Variants in ITSN2 observed in about 807,000 individuals in gnomAD.
ITSN2 encodes intersectin 2, also known as intersectin-2.
In ITSN2, 156 loss-of-function variants were observed where a neutral mutation model predicts 243.7. The ratio of observed to expected loss-of-function variants is 0.64; its 90% CI spans 0.56 to 0.73. The LOEUF (loss-of-function observed/expected upper bound fraction) is 0.73. Ranked by LOEUF, ITSN2 falls within the 30% of genes least tolerant of loss-of-function variation. ITSN2 has a pLI of 0.00. For synonymous variants in ITSN2, 703 were observed against 699.9 expected, an observed-to-expected ratio of 1.00 and a Z score of -0.07; for missense variants, 1,801 against 1,996.1, an observed-to-expected ratio of 0.90 and a Z score of 1.86.
intron 2 of ITSN2, among the ~76,000 whole-genome samples, chr2:24,327,765 T>C (rs1460928184): frequency 6.6e-6 from 1 of 152,218 alleles, no homozygotes; most frequent in Non-Finnish European, 1.5e-5. Flanking sequence ...ATAGTCACCT[T>C]ATAGCACTCT....
intron 1 of ITSN2, among the ~76,000 whole-genome samples, chr2:24,329,027 T>G (rs747702120): frequency 4.6e-5 from 7 of 152,196 alleles, no homozygotes; most frequent in Non-Finnish European, 8.8e-5. Context: ...ATTTAACCTT[T>G]TTTGAGACTC....
chr2:24,289,063 CTT>C (rs1195022732), intron 15 of ITSN2, among the ~76,000 whole-genome samples: 1 of 152,146 alleles, frequency 6.6e-6, no homozygotes, highest in African/African-American at 2.4e-5. Context: ...ATGCTTCCAA[CTT>C]TGTTTTTCTT....
intron 29 of ITSN2, among the ~76,000 whole-genome samples, chr2:24,222,109 A>G (rs1232297775): frequency 1.3e-5 from 2 of 151,986 alleles, no homozygotes; most frequent in African/African-American, 2.4e-5. Context: ...AAAATTAGCC[A>G]GGCGTGGTGG....
intron 30 of ITSN2, chr2:24,220,194 C>T (rs529111207): frequency 4.5e-5 from 14 of 310,300 alleles, no homozygotes; most frequent in African/African-American, 6.8e-5. Context: ...GCCAGGTATA[C>T]GCTGCACCTG....
chr2:24,355,627 C>A (rs903952873), intron 1 of ITSN2, among the ~76,000 whole-genome samples: 5 of 152,186 alleles, frequency 3.3e-5, no homozygotes, highest in African/African-American at 1.2e-4. Context: ...AACCATAAAA[C>A]CCTAGAAGAA....
chr2:24,337,948 T>C (rs1323833887), intron 1 of ITSN2, among the ~76,000 whole-genome samples: 1 of 152,252 alleles, frequency 6.6e-6, no homozygotes, highest in East Asian at 1.9e-4. Flanking sequence ...CAGTTCTCTA[T>C]GAATGTAAAC....
chr2:24,237,639 C>T (rs777213530), intron 29 of ITSN2, among the ~76,000 whole-genome samples: 3 of 152,130 alleles, frequency 2.0e-5, no homozygotes, highest in Non-Finnish European at 4.4e-5. Flanking sequence ...CACCATTATC[C>T]CATCCTGTCC....
intron 16 of ITSN2, among the ~76,000 whole-genome samples, chr2:24,285,784 A>G (rs1017652848): frequency 6.6e-5 from 10 of 152,272 alleles, no homozygotes; most frequent in Admixed American, 6.5e-4. Context: ...ATTATTTAAC[A>G]AAGGTTAATT....
chr2:24,353,132 T>C (rs1384392739), intron 1 of ITSN2, among the ~76,000 whole-genome samples: 2 of 152,036 alleles, frequency 1.3e-5, no homozygotes, highest in Non-Finnish European at 2.9e-5. Context: ...GAAAACAAAC[T>C]TAAAAGGTAA....
chr2:24,260,322 A>C (rs1480123982), intron 22 of ITSN2, among the ~76,000 whole-genome samples: 7 of 152,108 alleles, frequency 4.6e-5, no homozygotes, highest in Non-Finnish European at 8.8e-5. Flanking sequence ...TGAAGGTGAA[A>C]TCTGGAGGAC....
intron 1 of ITSN2, among the ~76,000 whole-genome samples, chr2:24,337,541 G>A (rs1229833819): frequency 1.3e-5 from 2 of 148,732 alleles, no homozygotes; most frequent in Admixed American, 6.7e-5. Flanking sequence ...TAGTAAAGAC[G>A]GGGTTTCACC....
At chr2:24,335,886 C>T (rs1686310142) in intron 1 of ITSN2, among the ~76,000 whole-genome samples, 1 of 151,876 alleles carries the variant, frequency 6.6e-6, no homozygotes, top group African/African-American at 2.4e-5. Context: ...GATCTGCCCG[C>T]CTCCCAAAGT....
At chr2:24,210,199 C>T in intron 34 of ITSN2, 166 bp from the exon 35 acceptor site, 1 of 595,426 alleles carries the variant, frequency 1.7e-6, no homozygotes, top group South Asian at 2.1e-5. Flanking sequence ...CATTACTCTT[C>T]AGAGTCCAAA....
rs780927701 is a variant in ITSN2 at position 24,298,763 on chromosome 2, G to T, written c.1396C>A (p.Arg466=). ...RQRRLEWERI[R]RQELLNQKNR... ...TTTTGATTGAGAAGCTCCTGTCGCCGAATTCTCTCCCATTCTAAGCGACGT... is the reference window on the plus strand; with the variant it reads ...TTTTGATTGAGAAGCTCCTGTCGCCTAATTCTCTCCCATTCTAAGCGACGT... Residue 466 remains arginine, a synonymous_variant, in exon 13 of 40, where the codon CGG becomes AGG. Transcript: ENST00000355123. 1 of 1,611,098 alleles carries T rather than the reference G, an allele frequency of 6.2e-7. No homozygotes were observed. The highest frequency in any genetic ancestry group is 8.5e-7 in the Non-Finnish European group (1 of 1,178,572).
At chr2:24,339,526 G>A (rs936930033) in intron 1 of ITSN2, among the ~76,000 whole-genome samples, 1 of 151,680 alleles carries the variant, frequency 6.6e-6, no homozygotes, top group Non-Finnish European at 1.5e-5. Context: ...TTCAAATTAC[G>A]CTCCTTGGAG....
At position 24,300,007 on chromosome 2, in the gene ITSN2, A is replaced by C; in HGVS notation, c.1246T>G (p.Trp416Gly). 6.2e-7 allele frequency: 1 copy of C among 1,613,852 alleles called. No homozygotes were observed. The highest frequency in any genetic ancestry group is 8.5e-7 in the Non-Finnish European group (1 of 1,179,958). Residue 416 changes from tryptophan to glycine, a missense_variant, in exon 12 of 40, where the codon TGG becomes GGG. Around this residue, in one of 5 missense-constraint regions of ITSN2, gnomAD observed 787 missense variants for 803.9 expected, o/e 0.98. Transcript: ENST00000355123. ...RKQRELQEQE[W>G]KKQLELEKRL... ...TTTTCTAATTCAAGTTGTTTCTTCC[A>C]TTCTTGTTCTTGTAATTCTCTCTGT...
At chr2:24,272,044 T>C in intron 18 of ITSN2, 103 bp from the exon 19 acceptor site, 1 of 964,730 alleles carries the variant, frequency 1.0e-6, no homozygotes, top group South Asian at 1.8e-5. Flanking sequence ...GAACTAGCAA[T>C]GAAGTATTAG....
At chr2:24,308,844 T>C (rs1165274994) in intron 7 of ITSN2, 88 bp from the exon 8 acceptor site, 8 of 845,690 alleles carry the variant, frequency 9.5e-6, no homozygotes, top group Non-Finnish European at 1.4e-5. Flanking sequence ...AAGAATCTTA[T>C]ATACCAGGGG....
At chr2:24,288,514 G>A (rs1332866346) in intron 15 of ITSN2, among the ~76,000 whole-genome samples, 1 of 151,886 alleles carries the variant, frequency 6.6e-6, no homozygotes, top group African/African-American at 2.4e-5. Context: ...TAATTAGCTA[G>A]GCTCTCTATT....
Sources: allele counts gnomAD v4.1 joint callset (sites outside exome capture counted in the v4.1 genomes callset), GRCh38; gene constraint gnomAD v4.1.1; regional missense constraint gnomAD v4.1.1; transcripts MANE v1.5; gene names NCBI Gene and HGNC (gene_info 2026-07-23, HGNC 2026-07-21).